SLC26A5: variants seen among roughly 807,000 people sequenced by gnomAD.
SLC26A5 encodes solute carrier family 26 member 5.
Under a neutral mutation model 81.0 loss-of-function variants are expected in SLC26A5, and 51 were observed. The ratio of observed to expected loss-of-function variants is 0.63; its 90% CI spans 0.50 to 0.80. The LOEUF (loss-of-function observed/expected upper bound fraction) is 0.80. SLC26A5 is among the 30% of genes least tolerant of loss of function. SLC26A5 has a pLI of 0.00. For synonymous variants in SLC26A5, 325 were observed against 332.8 expected (o/e 0.98, Z 0.25); for missense variants, 771 against 905.8 (o/e 0.85, Z 1.91).
chr7:103,353,609 C>T (rs748266306), intron 19 of SLC26A5, among the ~76,000 whole-genome samples: 3 of 152,140 alleles, frequency 2.0e-5, no homozygotes, highest in Non-Finnish European at 2.9e-5. Flanking sequence ...ACGGGGCCTG[C>T]ATTGTATTTC....
chr7:103,387,261 G>A (rs2116442656), intron 14 of SLC26A5, among the ~76,000 whole-genome samples: 1 of 152,256 alleles, frequency 6.6e-6, no homozygotes, highest in South Asian at 2.1e-4. Context: ...ACATTTTTCT[G>A]TTATGTCATT....
intron 19 of SLC26A5, among the ~76,000 whole-genome samples, chr7:103,361,714 A>G (rs1042624276): frequency 1.3e-5 from 2 of 152,160 alleles, no homozygotes; most frequent in Non-Finnish European, 2.9e-5. Flanking sequence ...AAATCAGAGA[A>G]CTTCTTAATG....
At chr7:103,397,351 C>T (rs1563540542) in intron 9 of SLC26A5, among the ~76,000 whole-genome samples, 1 of 151,696 alleles carries the variant, frequency 6.6e-6, no homozygotes, top group South Asian at 2.1e-4. Flanking sequence ...ACCATCCTGG[C>T]TAACATGGTG....
chr7:103,419,384 C>A (rs1318597870), intron 4 of SLC26A5, among the ~76,000 whole-genome samples: 1 of 152,204 alleles, frequency 6.6e-6, no homozygotes, highest in African/African-American at 2.4e-5. Flanking sequence ...CTCCCTCACA[C>A]TGCTGGAACA....
At chr7:103,362,794 CTTTT>C (rs368268286) in intron 19 of SLC26A5, 4,569 of 829,538 alleles carry the variant, frequency 5.5e-3, no homozygotes, top group Middle Eastern at 8.7e-3. Context: ...AAGGCTATGT[CTTTT>C]TTTTTTTTTT....
chr7:103,401,693 G>A (rs1823605326), intron 8 of SLC26A5, among the ~76,000 whole-genome samples: 1 of 152,144 alleles, frequency 6.6e-6, no homozygotes, highest in African/African-American at 2.4e-5. Flanking sequence ...TATTGGCTGT[G>A]GGTTTGTCAT....
At chr7:103,379,687 T>C (rs1165016152) in intron 15 of SLC26A5, among the ~76,000 whole-genome samples, 1 of 152,046 alleles carries the variant, frequency 6.6e-6, no homozygotes, top group East Asian at 1.9e-4. Flanking sequence ...GGACAGGAGA[T>C]GGAAGGCTGC....
chr7:103,393,513 C>A (rs561685967), intron 9 of SLC26A5, among the ~76,000 whole-genome samples: 1 of 152,084 alleles, frequency 6.6e-6, no homozygotes, highest in Non-Finnish European at 1.5e-5. Context: ...CTAGGCACCC[C>A]ATACTTCTCC....
chr7:103,361,883 A>G (rs1225722223), intron 19 of SLC26A5: 1 of 1,426,804 alleles, frequency 7.0e-7, no homozygotes, highest in African/African-American at 1.4e-5. Flanking sequence ...CACACTCAGG[A>G]TATAATCTAG....
At chr7:103,372,998 A>G (rs546486704), downstream of SLC26A5, among the ~76,000 whole-genome samples, 1 of 152,318 alleles carries the variant, frequency 6.6e-6, no homozygotes, top group African/African-American at 2.4e-5. Context: ...AACTGTAGGT[A>G]AGGATGACCA....
At chr7:103,413,315 C>T (rs923102861) in intron 4 of SLC26A5, among the ~76,000 whole-genome samples, 6 of 152,086 alleles carry the variant, frequency 3.9e-5, no homozygotes, top group African/African-American at 1.4e-4. Context: ...TTGTCATCTC[C>T]TTTTTGCCAG....
chr7:103,374,678 T>TA, intron 19 of SLC26A5, 86 bp from the exon 20 acceptor site: 1 of 1,245,234 alleles, frequency 8.0e-7, no homozygotes, highest in Non-Finnish European at 1.1e-6. Flanking sequence ...CATATAGTGT[T>TA]TTTTTTTTTG....
At chr7:103,364,019 TTTAAATA>T (rs1375596077) in intron 19 of SLC26A5, 4 of 910,330 alleles carry the variant, frequency 4.4e-6, no homozygotes, top group South Asian at 3.9e-5. Flanking sequence ...ATAATTTTGA[TTTAAATA>T]TTAAAGTATG....
At chr7:103,411,788 A>G (rs1036385396) in intron 5 of SLC26A5, among the ~76,000 whole-genome samples, 2 of 152,242 alleles carry the variant, frequency 1.3e-5, no homozygotes, top group African/African-American at 4.8e-5. Context: ...TTCCAAAAAT[A>G]GACATAGCAA....
At chr7:103,423,841 A>G (rs551563897) in intron 2 of SLC26A5, among the ~76,000 whole-genome samples, 1 of 152,332 alleles carries the variant, frequency 6.6e-6, no homozygotes, top group East Asian at 1.9e-4. Context: ...GTAAATCTGG[A>G]GGAAGAATTT....
chr7:103,356,694 T>A (rs984928783), intron 19 of SLC26A5, among the ~76,000 whole-genome samples: 1 of 152,256 alleles, frequency 6.6e-6, no homozygotes, highest in Non-Finnish European at 1.5e-5. Context: ...TTGTCTTTTC[T>A]TAAGTATGCT....
At chr7:103,419,449 T>A (rs1314619129) in intron 4 of SLC26A5, among the ~76,000 whole-genome samples, 6 of 152,168 alleles carry the variant, frequency 3.9e-5, no homozygotes, top group Non-Finnish European at 8.8e-5. Flanking sequence ...GCTCAGTGCC[T>A]TCACACATGC....
At chr7:103,429,235 G>A (rs1409835010) in intron 2 of SLC26A5, among the ~76,000 whole-genome samples, 1 of 152,110 alleles carries the variant, frequency 6.6e-6, no homozygotes, top group Non-Finnish European at 1.5e-5. Flanking sequence ...TGAACCGGAG[G>A]TATCAGAAAA....
chr7:103,409,778 G>GTGCA, intron 7 of SLC26A5, among the ~76,000 whole-genome samples: 1 of 151,834 alleles, frequency 6.6e-6, no homozygotes, highest in Non-Finnish European at 1.5e-5. Flanking sequence ...TGGGATCTCG[G>GTGCA]GTCACTACAA....
Sources: gnomAD v4.1 joint callset for allele counts (sites outside exome capture counted in the v4.1 genomes callset) on GRCh38, gnomAD v4.1.1 for gene constraint, MANE v1.5 for transcripts, NCBI Gene and HGNC (gene_info 2026-07-23, HGNC 2026-07-21) for gene names.